Variants in WNT7B observed in about 807,000 individuals in gnomAD.
The protein encoded by WNT7B is Wnt family member 7B, also known as protein Wnt-7b.
A neutral mutation model predicts 38.2 loss-of-function variants in WNT7B; 19 were observed. The ratio of observed to expected loss-of-function variants is 0.50; its 90% CI spans 0.35 to 0.73. WNT7B has a LOEUF of 0.73. Among genes scored for constraint, WNT7B ranks in the 30% least tolerant of loss-of-function variants. WNT7B has a pLI of 0.01. For missense variants in WNT7B, 423 were observed against 507.9 expected (o/e 0.83, Z 1.61); for synonymous variants, 243 against 209.3 (o/e 1.16, Z -1.39).
chr22:45,932,423 C>CCA (rs1468855640), intron 2 of WNT7B, among the ~76,000 whole-genome samples: 1 of 152,132 alleles, frequency 6.6e-6, no homozygotes, highest in Admixed American at 6.5e-5. Flanking sequence ...CAGACCCCCC[C>CCA]CGCCAGAAGG....
intron 1 of WNT7B, among the ~76,000 whole-genome samples, chr22:45,956,272 G>T (rs1932059012): frequency 6.6e-6 from 1 of 152,228 alleles, no homozygotes; most frequent in Non-Finnish European, 1.5e-5. Flanking sequence ...TCTCAGAGCT[G>T]CTGGGAGGGC....
chr22:45,923,396 C>T lies in WNT7B; in HGVS notation c.571-61G>A. 3 of 1,534,882 alleles carry T rather than the reference C, an allele frequency of 2.0e-6. No homozygotes were observed. In the South Asian group the frequency reaches 3.8e-5, roughly 19 times the overall value. On this transcript the variant is annotated intron_variant, in intron 3 of 3. Coordinates refer to ENST00000339464, the MANE Select transcript of WNT7B (RefSeq NM_058238.3). Reference sequence around the variant, plus strand: ...GCCCAAGCTGGGCCCCTCTAGGTTCCCCTACCCCTGCCTCTAGCCCAGCCC... The same window carrying T: ...GCCCAAGCTGGGCCCCTCTAGGTTCTCCTACCCCTGCCTCTAGCCCAGCCC...
chr22:45,960,784 C>G (rs1404487526), intron 1 of WNT7B, among the ~76,000 whole-genome samples: 1 of 152,234 alleles, frequency 6.6e-6, no homozygotes, highest in Non-Finnish European at 1.5e-5. Context: ...CCTCCGTACC[C>G]ACCCAGGGCC....
chr22:45,976,402 T>C lies in WNT7B; in HGVS notation c.71+282A>G, dbSNP rs1932552304. Among the ~76,000 whole-genome samples, 1 of 151,214 alleles carries C rather than the reference T, an allele frequency of 6.6e-6. No homozygotes were observed. The highest frequency in any genetic ancestry group is 2.4e-5 in the African/African-American group (1 of 41,182). On this transcript the variant is annotated intron_variant, in intron 1 of 3. Coordinates refer to ENST00000339464, the MANE Select transcript of WNT7B (RefSeq NM_058238.3). The surrounding 1 kb of genome is among the most constrained non-coding windows in gnomAD (Gnocchi z 8.5). ...GGCCTGGAGCCCAAACAGGTGAAAG[T>C]ACGCGCCGGGCACGCTCGCCGCTAC...
intron 1 of WNT7B, among the ~76,000 whole-genome samples, chr22:45,956,861 A>C (rs561839029): frequency 6.6e-6 from 1 of 152,150 alleles, no homozygotes; most frequent in East Asian, 1.9e-4. Context: ...TAATCCCAGC[A>C]CTTTGGGAGG....
At chr22:45,972,116 G>GGGGGGGGGGGCCCCCCCCCC in intron 1 of WNT7B, 3 of 530,732 alleles carry the variant, frequency 5.7e-6, no homozygotes, top group Non-Finnish European at 3.3e-6. Context: ...CCCGGGGGGA[G>GGGGGGGGGGGCCCCCCCCCC]CCCACCCGCC....
chr22:45,971,621 C>A (rs890887892), intron 1 of WNT7B, among the ~76,000 whole-genome samples: 2 of 152,188 alleles, frequency 1.3e-5, no homozygotes, highest in African/African-American at 2.4e-5. Flanking sequence ...CTACCCAGCG[C>A]GGCAGGAAGG....
Position 45,926,160 on chromosome 22 carries a change from A to G in WNT7B, c.571-2825T>C, listed in dbSNP as rs543427660. 2.9e-5 allele frequency: 29 copies of G among 985,392 alleles called. No homozygotes were observed. In the South Asian group the frequency reaches 1.2e-3, roughly 41 times the overall value. The allele number at this position is 985,392 out of a possible 1,614,324, so 61.0% of individuals were successfully genotyped here. On this transcript the variant is annotated intron_variant, in intron 3 of 3. Transcript: ENST00000339464. ...CGCTTGGCTGGATCCCTTGGGTCAG[A>G]GCCTCTCCCAGGAAGTGATCACAGG...
At chr22:45,940,243 C>A (rs1480368331) in intron 2 of WNT7B, among the ~76,000 whole-genome samples, 1 of 152,070 alleles carries the variant, frequency 6.6e-6, no homozygotes, top group Non-Finnish European at 1.5e-5. Context: ...GAACTAAGAC[C>A]CCCCACTTCA....
At position 45,920,824 on chromosome 22, in the gene WNT7B, C is replaced by T. The variant is rs1245171520; in HGVS notation, c.*2032G>A. The stretch of plus-strand genomic sequence containing the variant: ...TGTAGGTCACAATAATTTAAAGACA[C>T]TATAGACATTTCGACGCTATATAAC... On this transcript the variant is annotated 3_prime_UTR_variant, in exon 4 of 4. Transcript: ENST00000339464. The T allele has an allele frequency of 6.6e-6, 1 of 151,922 alleles. No individual in the cohort carries two copies. Among genetic ancestry groups the T allele is most frequent in the Non-Finnish European group, 1.5e-5 (1 of 67,978 alleles). 9.4% of individuals were successfully genotyped at this position (151,922 alleles called of 1,614,324 possible).
At chr22:45,971,574 G>A (rs527686193) in intron 1 of WNT7B, among the ~76,000 whole-genome samples, 36 of 152,320 alleles carry the variant, frequency 2.4e-4, no homozygotes, top group Non-Finnish European at 3.8e-4. Flanking sequence ...CGTCCTCCTC[G>A]CCCCCAGGTG....
chr22:45,937,398 C>G (rs539543165), intron 2 of WNT7B, among the ~76,000 whole-genome samples: 2 of 152,218 alleles, frequency 1.3e-5, no homozygotes, highest in African/African-American at 4.8e-5. Context: ...CTTTCTGTGT[C>G]CCTGTCTCCC....
At chr22:45,930,737 T>A (rs896716800) in intron 3 of WNT7B, among the ~76,000 whole-genome samples, 1 of 152,156 alleles carries the variant, frequency 6.6e-6, no homozygotes, top group Non-Finnish European at 1.5e-5. Flanking sequence ...CGAGGTGACC[T>A]CCGGGACCAG....
At chr22:45,936,705 G>A (rs1486894759) in intron 2 of WNT7B, among the ~76,000 whole-genome samples, 1 of 152,268 alleles carries the variant, frequency 6.6e-6, no homozygotes, top group African/African-American at 2.4e-5. Context: ...GATGTCCAGG[G>A]AAGGGGGTGT....
intron 2 of WNT7B, among the ~76,000 whole-genome samples, chr22:45,939,632 A>AAAACAC (rs1555908356): frequency 2.1e-5 from 3 of 144,884 alleles, no homozygotes; most frequent in East Asian, 4.2e-4. Flanking sequence ...TGTCTCTACA[A>AAAACAC]ACACACACAC....
Position 45,923,342 on chromosome 22 carries a change from G to C in WNT7B, c.571-7C>G, listed in dbSNP as rs1315402870. ...GCATCCGGTCCTCTAGAACCTGCGG[G>C]TGACAGGGAAGCTGCTCGGCACGGC... On this transcript the variant is annotated splice_region_variant and splice_polypyrimidine_tract_variant and intron_variant, in intron 3 of 3. Transcript: ENST00000339464. 6.3e-7 allele frequency: 1 copy of C among 1,592,612 alleles called. No individual in the cohort carries two copies. The highest frequency in any genetic ancestry group is 1.7e-5 in the Admixed American group (1 of 59,200).
Position 45,959,806 on chromosome 22 carries a change from C to A in WNT7B, c.72-9660G>T, listed in dbSNP as rs143993237. 1.0e-3 allele frequency among the ~76,000 whole-genome samples: 152 copies of A among 152,262 alleles called. 5 individuals carry two copies. The South Asian group carries it at 0.03, about 30-fold the overall frequency. On this transcript the variant is annotated intron_variant, in intron 1 of 3. Transcript: ENST00000339464. ...TCAGGGTGGAAGTAGCCCCCTACCC[C>A]GCCACTGAAAGCATTCCCCAGAAGG...
chr22:45,933,358 T>A (rs1224131968), intron 2 of WNT7B, among the ~76,000 whole-genome samples: 1 of 152,162 alleles, frequency 6.6e-6, no homozygotes, highest in East Asian at 1.9e-4. Context: ...TTCTGGCCAC[T>A]GCCTACCCAC....
intron 3 of WNT7B, chr22:45,926,738 A>G (rs140352635): frequency 8.1e-6 from 8 of 985,386 alleles, no homozygotes; most frequent in Non-Finnish European, 9.6e-6. Flanking sequence ...CCTCAGGGAC[A>G]CAGCACACGT....
Sources: allele counts gnomAD v4.1 joint callset (sites outside exome capture counted in the v4.1 genomes callset), GRCh38; gene constraint gnomAD v4.1.1; non-coding constraint Gnocchi (gnomAD v3.1); transcripts MANE v1.5; gene names NCBI Gene and HGNC (gene_info 2026-07-23, HGNC 2026-07-21).